The following SUMF1 variants were observed in gnomAD, a reference collection of about 807,000 sequenced individuals.
The protein encoded by SUMF1 is sulfatase modifying factor 1.
A neutral mutation model predicts 47.6 loss-of-function variants in SUMF1; 48 were observed. The ratio of observed to expected loss-of-function variants is 1.01; its 90% confidence interval spans 0.80 to 1.28. SUMF1 has a LOEUF of 1.28. SUMF1 is among the 50% of genes most tolerant of loss of function. SUMF1 has a pLI of 0.00. For synonymous variants in SUMF1, 230 were observed against 192.1 expected (o/e 1.20, Z -1.63); for missense variants, 571 against 485.4 (o/e 1.18, Z -1.66).
At chr3:4,144,813 G>C (rs1644814945) in intron 8 of SUMF1, among the ~76,000 whole-genome samples, 1 of 152,124 alleles carries the variant, frequency 6.6e-6, no homozygotes. Flanking sequence ...GATAATTCAT[G>C]TGTGATAGCT....
In SUMF1 at chr3:4,157,105, C is replaced by T. The variant is rs965075516; in HGVS notation, c.1015-88360G>A. Among the ~76,000 whole-genome samples, 21 of 151,536 alleles carry T rather than the reference C, an allele frequency of 1.4e-4. 2 individuals are homozygous for T. The highest frequency in any genetic ancestry group is 4.9e-4 in the African/African-American group (20 of 40,928). ...CTGGCTATGAAGTTAATCAATAATC[C>T]CCTTACCCTCAGATGTGTCTACCCC... On this transcript the variant is annotated intron_variant and NMD_transcript_variant, in intron 8 of 12. Transcript: ENST00000448413.
intron 8 of SUMF1, among the ~76,000 whole-genome samples, chr3:4,180,345 C>T (rs1473674800): frequency 1.3e-5 from 2 of 152,192 alleles, no homozygotes; most frequent in Middle Eastern, 6.8e-3. Context: ...ACATATACAC[C>T]ATGGCATACT....
At chr3:4,281,198 T>G (rs1697522648) in intron 8 of SUMF1, among the ~76,000 whole-genome samples, 1 of 152,036 alleles carries the variant, frequency 6.6e-6, no homozygotes, top group East Asian at 1.9e-4. Context: ...AGCTCCTCTG[T>G]GCAGCTGATA....
chr3:4,345,076 G>C (rs533861989), intron 8 of SUMF1, among the ~76,000 whole-genome samples: 2 of 152,128 alleles, frequency 1.3e-5, no homozygotes, highest in African/African-American at 4.8e-5. Context: ...ACCAGAAGGA[G>C]ACAGGGAGAA....
At chr3:4,409,832 T>A (rs896728376) in intron 7 of SUMF1, among the ~76,000 whole-genome samples, 5 of 152,262 alleles carry the variant, frequency 3.3e-5, no homozygotes, top group African/African-American at 1.2e-4. Flanking sequence ...CCATGTGTTA[T>A]TCTGTGAAGA....
intron 9 of SUMF1, among the ~76,000 whole-genome samples, chr3:4,052,302 C>A (rs566645065): frequency 1.2e-4 from 18 of 152,286 alleles, no homozygotes; most frequent in Non-Finnish European, 2.2e-4. Context: ...CTTCCAAAGG[C>A]CTTCCAGTAT....
intron 8 of SUMF1, among the ~76,000 whole-genome samples, chr3:4,297,145 G>A (rs1160874250): frequency 2.0e-5 from 3 of 152,136 alleles, no homozygotes; most frequent in Non-Finnish European, 2.9e-5. Context: ...GTGTGCACCT[G>A]TAAGCTAAAA....
At chr3:4,072,472 A>G (rs1087823) in intron 8 of SUMF1, among the ~76,000 whole-genome samples, 21,966 of 152,140 alleles carry the variant, frequency 0.14, 2,227 homozygotes, top group African/African-American at 0.26. Flanking sequence ...AAAACTGGAT[A>G]GAGAATGAGT....
chr3:4,052,708 T>C (rs955149686), intron 9 of SUMF1, among the ~76,000 whole-genome samples: 2 of 152,186 alleles, frequency 1.3e-5, no homozygotes, highest in East Asian at 3.8e-4. Flanking sequence ...CCTCAAGAGA[T>C]AGGCAGAACA....
chr3:4,197,307 G>A (rs1010825119), intron 8 of SUMF1, among the ~76,000 whole-genome samples: 4 of 152,036 alleles, frequency 2.6e-5, no homozygotes, highest in Admixed American at 2.0e-4. Flanking sequence ...TACAGACAAT[G>A]TTTCACCGTG....
At chr3:4,357,976 T>C (rs1362733878), downstream of SUMF1, among the ~76,000 whole-genome samples, 1 of 152,052 alleles carries the variant, frequency 6.6e-6, no homozygotes, top group Non-Finnish European at 1.5e-5. Flanking sequence ...ATATCGACAA[T>C]TGAGATGCTC....
At chr3:4,116,930 A>G (rs537520825) in intron 8 of SUMF1, among the ~76,000 whole-genome samples, 1 of 152,142 alleles carries the variant, frequency 6.6e-6, no homozygotes, top group Non-Finnish European at 1.5e-5. Flanking sequence ...TCTATTTGAG[A>G]CTTTGCATAA....
chr3:4,166,918 A>G (rs1404327455), intron 8 of SUMF1, among the ~76,000 whole-genome samples: 1 of 152,030 alleles, frequency 6.6e-6, no homozygotes, highest in African/African-American at 2.4e-5. Flanking sequence ...AAAGGCTGAC[A>G]CCCATGTGTT....
At chr3:4,057,068 A>G (rs1166160140) in intron 9 of SUMF1, among the ~76,000 whole-genome samples, 1 of 152,150 alleles carries the variant, frequency 6.6e-6, no homozygotes, top group East Asian at 1.9e-4. Flanking sequence ...TTTTACAACA[A>G]GCATGAATAA....
At chr3:4,171,224 G>T (rs1829725) in intron 8 of SUMF1, among the ~76,000 whole-genome samples, 2 of 152,082 alleles carry the variant, frequency 1.3e-5, no homozygotes, top group South Asian at 2.1e-4. Context: ...TCAGCAGCAA[G>T]GAGTATTGCA....
chr3:4,350,425 T>G (rs142707547), intron 8 of SUMF1, among the ~76,000 whole-genome samples: 14 of 152,102 alleles, frequency 9.2e-5, no homozygotes, highest in African/African-American at 3.1e-4. Context: ...CATATATACA[T>G]GTAGTATAAA....
At chr3:4,259,955 G>A (rs566807568) in intron 8 of SUMF1, among the ~76,000 whole-genome samples, 2 of 151,690 alleles carry the variant, frequency 1.3e-5, no homozygotes, top group Admixed American at 6.6e-5. Flanking sequence ...AGAAGTTATA[G>A]TTGTCGTGAG....
chr3:4,357,315 T>G (rs1043738396), downstream of SUMF1, among the ~76,000 whole-genome samples: 21 of 142,922 alleles, frequency 1.5e-4, no homozygotes, highest in Admixed American at 5.5e-4. Context: ...TTACGGTGGT[T>G]TTTTTTTTTC....
rs746921832 is a variant in SUMF1, at chr3:4,273,125, C to CAT, written c.1014+103203_1014+103204dup. On this transcript the variant is annotated intron_variant and NMD_transcript_variant, in intron 8 of 12. Coordinates refer to the SUMF1 transcript ENST00000448413. ...ATATATACATATATATATACACACACATATATATATATATAGAATTTACCA... is the reference window on the plus strand; with the variant it reads ...ATATATACATATATATATACACACACATATATATATATATATAGAATTTACCA... 3.5e-3 allele frequency among the ~76,000 whole-genome samples: 510 copies of CAT among 147,198 alleles called. 2 individuals are homozygous for CAT. Among genetic ancestry groups the CAT allele is most frequent in the Admixed American group, 0.011 (158 of 14,616 alleles).
Sources: gnomAD v4.1 joint callset for allele counts (sites outside exome capture counted in the v4.1 genomes callset) on GRCh38, gnomAD v4.1.1 for gene constraint, MANE v1.5 for transcripts, NCBI Gene and HGNC (gene_info 2026-07-23, HGNC 2026-07-21) for gene names.